Variants in CALD1 observed in about 807,000 individuals in gnomAD.
The protein encoded by CALD1 is caldesmon.
In CALD1, 33 loss-of-function variants were observed where a neutral mutation model predicts 99.9. The observed-to-expected ratio is 0.33, with a 90% CI of 0.25 to 0.44. The LOEUF (loss-of-function observed/expected upper bound fraction) is 0.44, where lower values mean the gene tolerates loss of function less well. CALD1 is among the 20% of genes least tolerant of loss of function. The probability of loss-of-function intolerance (pLI) is 1.00; values close to 1 mark genes in which losing one functional copy is unlikely to be tolerated. For missense variants in CALD1, 861 were observed against 962.1 expected, an observed-to-expected ratio of 0.89 and a Z score of 1.39; for synonymous variants, 310 against 325.0, an observed-to-expected ratio of 0.95 and a Z score of 0.50.
At chr7:134,817,538 G>T (rs58854187) in intron 1 of CALD1, among the ~76,000 whole-genome samples, 37,539 of 151,966 alleles carry the variant, frequency 0.25, 5,274 homozygotes, top group African/African-American at 0.39. Flanking sequence ...CAACCACGGG[G>T]TTCCTCTAAA....
chr7:134,853,610 A>T (rs1800169286), intron 2 of CALD1, among the ~76,000 whole-genome samples: 1 of 152,232 alleles, frequency 6.6e-6, no homozygotes, highest in Non-Finnish European at 1.5e-5. Flanking sequence ...TCAGACTACA[A>T]GCAACTTGAA....
In CALD1 at chr7:134,968,850, G is replaced by T. The variant is rs1272678900; in HGVS notation, c.*505G>T. ...TTCAGATTTGAAATACTGCAATAAT[G>T]GTTGTCTTTAAAAAAAAAAAAGAAA... is the stretch of plus-strand genomic sequence containing the variant. On this transcript the variant is annotated 3_prime_UTR_variant, in exon 15 of 15. Coordinates refer to ENST00000361675, the MANE Select transcript of CALD1 (RefSeq NM_033138.4). 10 of 180,626 alleles carry T rather than the reference G, an allele frequency of 5.5e-5. No individual in the cohort carries two copies. The East Asian group carries it at 6.2e-4, about 11-fold the overall frequency. 11.2% of individuals were successfully genotyped at this position (180,626 alleles called of 1,614,324 possible).
At chr7:134,864,820 A>C (rs549123331) in intron 2 of CALD1, among the ~76,000 whole-genome samples, 13 of 152,338 alleles carry the variant, frequency 8.5e-5, no homozygotes, top group African/African-American at 2.6e-4. Flanking sequence ...AGGTAATGAC[A>C]TCTGCCTCTG....
intron 1 of CALD1, among the ~76,000 whole-genome samples, 165 bp from the exon 2 acceptor site, chr7:134,843,719 T>C (rs1271968455): frequency 6.6e-6 from 1 of 152,248 alleles, no homozygotes; most frequent in Non-Finnish European, 1.5e-5. Flanking sequence ...TGTATTTTCC[T>C]TAAAATGCAA....
intron 2 of CALD1, among the ~76,000 whole-genome samples, chr7:134,863,633 G>A (rs1487667838): frequency 6.6e-6 from 1 of 152,100 alleles, no homozygotes; most frequent in Non-Finnish European, 1.5e-5. Context: ...CCTTATAAAG[G>A]CATCACAGGA....
At chr7:134,868,726 T>C (rs1463777609) in intron 3 of CALD1, among the ~76,000 whole-genome samples, 3 of 152,204 alleles carry the variant, frequency 2.0e-5, no homozygotes, top group East Asian at 1.9e-4. Context: ...TAACTGCCTA[T>C]GATGAACTGG....
intron 1 of CALD1, among the ~76,000 whole-genome samples, chr7:134,833,861 T>C (rs1799326516): frequency 1.3e-5 from 2 of 152,200 alleles, no homozygotes; most frequent in Non-Finnish European, 2.9e-5. Context: ...GGCCTAACTT[T>C]TTGTCTCATG....
the CALD1 span, among the ~76,000 whole-genome samples, chr7:134,721,720 T>C: frequency 6.6e-6 from 1 of 152,092 alleles, no homozygotes; most frequent in African/African-American, 2.4e-5. Flanking sequence ...AGTGTCTCCA[T>C]CTCCATCAAT....
intron 3 of CALD1, among the ~76,000 whole-genome samples, chr7:134,904,359 T>C (rs936968191): frequency 6.6e-6 from 1 of 151,768 alleles, no homozygotes; most frequent in African/African-American, 2.4e-5. Flanking sequence ...GGTGGGAGGA[T>C]TGCTTGATCC....
chr7:134,760,542 G>A (rs1289475957), intron 1 of CALD1, among the ~76,000 whole-genome samples: 1 of 152,182 alleles, frequency 6.6e-6, no homozygotes, highest in Non-Finnish European at 1.5e-5. Flanking sequence ...TCTCTCTTGA[G>A]TTTAAAGAAT....
upstream of CALD1, among the ~76,000 whole-genome samples, chr7:134,777,884 C>T (rs919093956): frequency 3.9e-5 from 6 of 152,150 alleles, no homozygotes; most frequent in Admixed American, 1.3e-4. Flanking sequence ...GCAAAACTGG[C>T]CGTGTTCCGA....
chr7:134,965,758 T>C (rs542811257), intron 14 of CALD1, among the ~76,000 whole-genome samples: 4 of 152,024 alleles, frequency 2.6e-5, no homozygotes, highest in African/African-American at 9.6e-5. Flanking sequence ...TCCCTGAGTG[T>C]TTCCAAAACT....
chr7:134,729,759 G>A, the CALD1 span, among the ~76,000 whole-genome samples: 1 of 152,232 alleles, frequency 6.6e-6, no homozygotes, highest in Non-Finnish European at 1.5e-5. Context: ...GAGGACAGGG[G>A]CAATATCAAG....
intron 3 of CALD1, among the ~76,000 whole-genome samples, chr7:134,897,960 C>T (rs954619964): frequency 3.9e-5 from 6 of 152,018 alleles, no homozygotes; most frequent in Admixed American, 2.6e-4. Context: ...CCTCCCACCT[C>T]GGCCTCCCAA....
At chr7:134,791,825 T>C (rs536472333) in intron 1 of CALD1, among the ~76,000 whole-genome samples, 9 of 152,216 alleles carry the variant, frequency 5.9e-5, no homozygotes, top group East Asian at 3.9e-4. Context: ...TTCCACATGA[T>C]TGGGGAGGCC....
At chr7:134,955,318 G>A (rs550699697) in intron 9 of CALD1, among the ~76,000 whole-genome samples, 18 of 152,308 alleles carry the variant, frequency 1.2e-4, no homozygotes, top group African/African-American at 3.8e-4. Flanking sequence ...AACCCGGGAG[G>A]TGGAGATTGC....
intron 1 of CALD1, among the ~76,000 whole-genome samples, chr7:134,810,459 G>A (rs1356005333): frequency 1.3e-5 from 2 of 152,138 alleles, no homozygotes; most frequent in African/African-American, 4.8e-5. Flanking sequence ...TAGGGTACAT[G>A]CATGCTGTTT....
chr7:134,788,302 C>T (rs1313893638), intron 1 of CALD1, among the ~76,000 whole-genome samples: 1 of 152,306 alleles, frequency 6.6e-6, no homozygotes, highest in South Asian at 2.1e-4. Context: ...AACTGAGCTT[C>T]TCCTCCCAAT....
intron 7 of CALD1, 54 bp downstream of exon 7, chr7:134,941,291 A>T: frequency 6.8e-6 from 10 of 1,463,566 alleles, no homozygotes; most frequent in Non-Finnish European, 9.3e-6. Context: ...AAGAAAAAAA[A>T]AAAAAAGTCA....
Sources: allele counts gnomAD v4.1 joint callset (sites outside exome capture counted in the v4.1 genomes callset), GRCh38; gene constraint gnomAD v4.1.1; transcripts MANE v1.5; gene names NCBI Gene and HGNC (gene_info 2026-07-23, HGNC 2026-07-21).